Variants in COL23A1 observed in about 807,000 individuals in gnomAD.
The protein encoded by COL23A1 is collagen type XXIII alpha 1 chain, also known as collagen alpha-1(XXIII) chain.
A neutral mutation model predicts 99.3 loss-of-function variants in COL23A1; 97 were observed. The observed-to-expected ratio is 0.98, with a 90% CI of 0.83 to 1.16. The LOEUF is 1.16. COL23A1 is among the 50% of genes most tolerant of loss of function. The probability of loss-of-function intolerance (pLI) is 0.00; values close to 1 mark genes in which losing one functional copy is unlikely to be tolerated. For missense variants in COL23A1, 762 were observed against 757.4 expected, an observed-to-expected ratio of 1.01 and a Z score of -0.07; for synonymous variants, 320 against 308.2, an observed-to-expected ratio of 1.04 and a Z score of -0.40.
At chr5:178,381,309 C>A (rs556701434) in intron 2 of COL23A1, among the ~76,000 whole-genome samples, 1 of 152,220 alleles carries the variant, frequency 6.6e-6, no homozygotes, top group Non-Finnish European at 1.5e-5. Context: ...CCAGGGGACC[C>A]TGCCGGCTCC....
chr5:178,267,365 A>G, intron 7 of COL23A1, 32 bp from the exon 8 acceptor site: 2 of 1,610,998 alleles, frequency 1.2e-6, no homozygotes, highest in African/African-American at 1.3e-5. Context: ...AGGCATCACC[A>G]CTGCTTTCAT....
intron 2 of COL23A1, among the ~76,000 whole-genome samples, chr5:178,455,252 G>A (rs1052177925): frequency 3.3e-5 from 5 of 152,236 alleles, no homozygotes; most frequent in Non-Finnish European, 7.3e-5. Context: ...GGCGTGAAAA[G>A]TCACGCACGG....
chr5:178,406,763 TG>T (rs1764787366), intron 2 of COL23A1, among the ~76,000 whole-genome samples: 1 of 152,194 alleles, frequency 6.6e-6, no homozygotes, highest in Non-Finnish European at 1.5e-5. Flanking sequence ...AAAATAATAT[TG>T]GGATTCACGT....
At chr5:178,285,950 C>G (rs868321604) in intron 5 of COL23A1, among the ~76,000 whole-genome samples, 1 of 152,254 alleles carries the variant, frequency 6.6e-6, no homozygotes, top group African/African-American at 2.4e-5. Context: ...GTCTGCCCCA[C>G]CCTGTGGGTC....
At chr5:178,344,085 G>C (rs113066125) in intron 2 of COL23A1, among the ~76,000 whole-genome samples, 1 of 152,070 alleles carries the variant, frequency 6.6e-6, no homozygotes, top group African/African-American at 2.4e-5. Context: ...AGAAATGAAC[G>C]TGTAGAAACT....
At chr5:178,580,936 G>A (rs1451659339) in intron 1 of COL23A1, among the ~76,000 whole-genome samples, 1 of 151,978 alleles carries the variant, frequency 6.6e-6, no homozygotes, top group Admixed American at 6.5e-5. Flanking sequence ...CTGAGTCCAG[G>A]AGCGGAGGCT....
intron 2 of COL23A1, among the ~76,000 whole-genome samples, chr5:178,491,786 G>A (rs555332664): frequency 6.6e-6 from 1 of 152,106 alleles, no homozygotes; most frequent in Non-Finnish European, 1.5e-5. Flanking sequence ...CCAGGCTGGA[G>A]TGCAGTGGTG....
In COL23A1 at chr5:178,580,659, C is replaced by A. The variant is rs79638970; in HGVS notation, c.294+9245G>T. 6.1e-3 allele frequency among the ~76,000 whole-genome samples: 930 copies of A among 152,298 alleles called. 5 individuals carry two copies. Among genetic ancestry groups the A allele is most frequent in the Middle Eastern group, 0.01 (3 of 294 alleles). ...GAATCTTCCCAAACTGAATTACATT[C>A]GTTCACATAACGACAAATCACAGTG... On this transcript the variant is annotated intron_variant, in intron 1 of 28. Transcript: ENST00000390654.
At position 178,281,566 on chromosome 5, in the gene COL23A1, T is replaced by C. The variant is rs1343520443; in HGVS notation, c.441+6758A>G. On this transcript the variant is annotated intron_variant, in intron 5 of 28. Coordinates refer to ENST00000390654, the MANE Select transcript of COL23A1 (RefSeq NM_173465.4). This position sits in a 1 kb window ranked among gnomAD's most constrained non-coding sequence, Gnocchi z 4.0. ...CCAGGAGGTGCCGTGCGTGTGGTTT[T>C]GGGTGTGCTCAGAGCTGACCTGTGA... Among the ~76,000 whole-genome samples the C allele has an allele frequency of 4.6e-5, 7 of 152,140 alleles. No homozygotes were observed. Among genetic ancestry groups the C allele is most frequent in the Non-Finnish European group, 1.0e-4 (7 of 68,018 alleles).
chr5:178,274,536 G>C (rs2127569172), intron 5 of COL23A1, among the ~76,000 whole-genome samples: 1 of 152,088 alleles, frequency 6.6e-6, no homozygotes, highest in African/African-American at 2.4e-5. Flanking sequence ...CAGAGCCCCA[G>C]ACTGGGCGGG....
At chr5:178,512,776 T>C (rs763805457) in intron 2 of COL23A1, among the ~76,000 whole-genome samples, 1 of 152,142 alleles carries the variant, frequency 6.6e-6, no homozygotes, top group Non-Finnish European at 1.5e-5. Flanking sequence ...GCAGGCTTCG[T>C]CAGGACAACA....
Position 178,446,226 on chromosome 5 carries a change from TAATCTAAATTTGTAC to T in COL23A1, c.361+114441_361+114455del, listed in dbSNP as rs936536764. Among the ~76,000 whole-genome samples the T allele has an allele frequency of 3.9e-5, 6 of 151,926 alleles. No individual in the cohort carries two copies. The South Asian group carries it at 1.2e-3, about 32-fold the overall frequency. On this transcript the variant is annotated intron_variant, in intron 2 of 28. Transcript: ENST00000390654. ...TAATTAAAATAGCAAAAACTGAAAA[TAATCTAAATTTGTAC>T]AAATGGGGAATTTTGTGAAAAATAT...
intron 2 of COL23A1, among the ~76,000 whole-genome samples, chr5:178,550,992 C>T (rs1161905709): frequency 1.3e-5 from 2 of 152,064 alleles, no homozygotes; most frequent in Non-Finnish European, 2.9e-5. Flanking sequence ...CCCAAACCAA[C>T]AGCAAACCGC....
At chr5:178,583,657 C>T (rs959234433) in intron 1 of COL23A1, among the ~76,000 whole-genome samples, 28 of 152,204 alleles carry the variant, frequency 1.8e-4, no homozygotes, top group Admixed American at 1.8e-3. Context: ...TCTGCTGGGA[C>T]TGTTGGAAAA....
intron 2 of COL23A1, among the ~76,000 whole-genome samples, chr5:178,418,427 G>A (rs1163330401): frequency 6.6e-6 from 1 of 152,230 alleles, no homozygotes; most frequent in Non-Finnish European, 1.5e-5. Context: ...GAGAGATCCT[G>A]ATTCTGTTGT....
intron 1 of COL23A1, among the ~76,000 whole-genome samples, chr5:178,574,124 G>A (rs1401360861): frequency 2.6e-5 from 4 of 152,148 alleles, no homozygotes; most frequent in African/African-American, 9.7e-5. Context: ...CTCCCAAAGT[G>A]CTGGGATTCC....
chr5:178,564,919 A>C (rs1265751217), intron 1 of COL23A1, among the ~76,000 whole-genome samples: 1 of 152,210 alleles, frequency 6.6e-6, no homozygotes, highest in Non-Finnish European at 1.5e-5. Context: ...AAAAATTCCT[A>C]CTCTGGAGAA....
rs564107600 is a variant in COL23A1 at position 178,340,691 on chromosome 5, C to G, written c.362-33772G>C. On this transcript the variant is annotated intron_variant, in intron 2 of 28. Transcript: ENST00000390654. The surrounding 1 kb of genome is among the most constrained non-coding windows in gnomAD (Gnocchi z 4.7). ...GTTTGGCTGATGGCAAACTGGACACCGGGGATTCTAGTCCTCGGCCCTCCC... is the reference window on the plus strand; with the variant it reads ...GTTTGGCTGATGGCAAACTGGACACGGGGGATTCTAGTCCTCGGCCCTCCC... Among the ~76,000 whole-genome samples, 11 of 152,216 alleles carry G rather than the reference C, an allele frequency of 7.2e-5. No individual in the cohort carries two copies. Among genetic ancestry groups the G allele is most frequent in the Non-Finnish European group, 1.6e-4 (11 of 68,026 alleles).
intron 2 of COL23A1, among the ~76,000 whole-genome samples, chr5:178,330,207 C>A (rs774377795): frequency 5.3e-5 from 8 of 152,324 alleles, no homozygotes; most frequent in African/African-American, 1.9e-4. Context: ...GGGTCTCCTG[C>A]CCATTTATGA....
Sources: allele counts gnomAD v4.1 joint callset (sites outside exome capture counted in the v4.1 genomes callset), GRCh38; gene constraint gnomAD v4.1.1; non-coding constraint Gnocchi (gnomAD v3.1); transcripts MANE v1.5; gene names NCBI Gene and HGNC (gene_info 2026-07-23, HGNC 2026-07-21).